Variants in ZNF469 observed in about 807,000 individuals in gnomAD.
ZNF469 encodes the protein zinc finger protein 469.
In ZNF469, 1 loss-of-function variant was observed where a neutral mutation model predicts 1.0. The ratio of observed to expected loss-of-function variants is 1.00; its 90% CI spans 0.35 to 4.73. The LOEUF is 4.73. Among genes scored for constraint, ZNF469 ranks in the 30% most tolerant of loss-of-function variants. The pLI is 0.16. For synonymous variants in ZNF469, 2,703 were observed against 2,363.4 expected, an observed-to-expected ratio of 1.14 and a Z score of -4.17; for missense variants, 6,100 against 5,356.3, an observed-to-expected ratio of 1.14 and a Z score of -4.33.
the ZNF469 span, among the ~76,000 whole-genome samples, chr16:88,245,581 A>G: frequency 6.6e-6 from 1 of 152,226 alleles, no homozygotes; most frequent in Non-Finnish European, 1.5e-5. Context: ...GCTTTCCCAG[A>G]TGAGTCACCA....
chr16:88,349,655 A>T, the ZNF469 span, among the ~76,000 whole-genome samples: 1 of 145,654 alleles, frequency 6.9e-6, no homozygotes, highest in Non-Finnish European at 1.5e-5. Context: ...CACAGCAGGC[A>T]CAATACACAC....
chr16:88,140,214 A>G, the ZNF469 span, among the ~76,000 whole-genome samples: 1 of 152,276 alleles, frequency 6.6e-6, no homozygotes, highest in African/African-American at 2.4e-5. Flanking sequence ...CATAAAAAAA[A>G]ACTTTGGCTA....
chr16:88,262,148 A>G, the ZNF469 span, among the ~76,000 whole-genome samples: 1 of 152,196 alleles, frequency 6.6e-6, no homozygotes, highest in South Asian at 2.1e-4. The surrounding 1 kb of genome is among the most constrained non-coding windows in gnomAD (Gnocchi z 4.3). Context: ...GTCTCCACTC[A>G]GCATTAGTGA....
chr16:88,382,663 A>C (rs1017004759), upstream of ZNF469, among the ~76,000 whole-genome samples: 8 of 152,328 alleles, frequency 5.3e-5, no homozygotes, highest in Non-Finnish European at 1.0e-4. Flanking sequence ...GCTGGAGCGC[A>C]GGCCAGGGAT....
chr16:88,315,066 T>C, the ZNF469 span, among the ~76,000 whole-genome samples: 1 of 152,250 alleles, frequency 6.6e-6, no homozygotes, highest in South Asian at 2.1e-4. Context: ...GCTGAGGAAG[T>C]GTCCTCCTCG....
In ZNF469 at chr16:88,430,715, C is replaced by G. The variant is rs1386931574; in HGVS notation, c.3245C>G (p.Pro1082Arg). ...CGSLAAGRPR[P>R]GAEDRRLREY... ...TCCCTGGCGGCGGGGAGGCCCCGGC[C>G]CGGAGCTGAGGACCGCAGGCTCCGC... is the stretch of plus-strand genomic sequence containing the variant. The change falls in exon 3 of 3, where the codon CCC becomes CGC. Residue 1082 changes from proline (P) to arginine (R), a missense_variant. Transcript: ENST00000565624. 7 of 1,488,508 alleles carry G rather than the reference C, an allele frequency of 4.7e-6. No homozygotes were observed. Among genetic ancestry groups the G allele is most frequent in the Non-Finnish European group, 2.7e-6 (3 of 1,128,444 alleles). The allele number at this position is 1,488,508 out of a possible 1,614,324, so 92.2% of individuals were successfully genotyped here. A position where few individuals can be genotyped will look rare whatever the true frequency, so the allele number is the denominator to read the frequency against.
intron 1 of ZNF469, among the ~76,000 whole-genome samples, chr16:88,417,179 C>T (rs1905325042): frequency 6.6e-6 from 1 of 150,626 alleles, no homozygotes; most frequent in Non-Finnish European, 1.5e-5. Context: ...CAGAGCGTCG[C>T]TGCAAGGGAG....
the ZNF469 span, among the ~76,000 whole-genome samples, chr16:88,196,467 C>T: frequency 2.6e-5 from 4 of 152,270 alleles, no homozygotes; most frequent in South Asian, 8.3e-4. Flanking sequence ...AAGACATGTC[C>T]AACGTTCAGA....
chr16:88,436,143 C>T lies in ZNF469; in HGVS notation c.8673C>T (p.Thr2891=), dbSNP rs983401242. Residue 2891 remains threonine, a synonymous_variant, in exon 3 of 3, where the codon ACC becomes ACT. Transcript: ENST00000565624. The part of the protein sequence containing the change: ...RCEKPVLPLP[T]QPSFEEGGDP... ...AGAAGCCGGTGCTCCCGCTGCCAACCCAGCCCAGCTTTGAGGAGGGCGGTG... is the reference window on the plus strand; with the variant it reads ...AGAAGCCGGTGCTCCCGCTGCCAACTCAGCCCAGCTTTGAGGAGGGCGGTG... 6.5e-7 allele frequency: 1 copy of T among 1,548,144 alleles called. No individual in the cohort carries two copies. Among genetic ancestry groups the T allele is most frequent in the Non-Finnish European group, 8.7e-7 (1 of 1,146,984 alleles).
chr16:88,363,243 T>C, the ZNF469 span, among the ~76,000 whole-genome samples: 1 of 152,338 alleles, frequency 6.6e-6, no homozygotes, highest in Admixed American at 6.5e-5. Context: ...GTCACATTCT[T>C]CTGGGTTTTT....
chr16:88,324,264 G>A, the ZNF469 span, among the ~76,000 whole-genome samples: 1 of 152,274 alleles, frequency 6.6e-6, no homozygotes, highest in Non-Finnish European at 1.5e-5. Context: ...TACTTCTGCA[G>A]CATTCTGTTT....
the ZNF469 span, among the ~76,000 whole-genome samples, chr16:88,342,123 G>T: frequency 1.3e-5 from 2 of 152,198 alleles, no homozygotes; most frequent in African/African-American, 4.8e-5. Flanking sequence ...GCCGGGCAGG[G>T]GCTGAGGAGG....
the ZNF469 span, among the ~76,000 whole-genome samples, chr16:88,245,938 C>T: frequency 6.6e-6 from 1 of 152,282 alleles, no homozygotes; most frequent in African/African-American, 2.4e-5. Context: ...GGGACATCCT[C>T]CTGCCTGGCT....
At chr16:88,320,401 G>A in the ZNF469 span, among the ~76,000 whole-genome samples, 52 of 151,450 alleles carry the variant, frequency 3.4e-4, no homozygotes, top group Non-Finnish European at 1.0e-4. Context: ...CTTTTTTCTC[G>A]GAGACAGAAT....
the ZNF469 span, among the ~76,000 whole-genome samples, chr16:88,325,032 A>G: frequency 3.3e-5 from 5 of 152,052 alleles, no homozygotes; most frequent in African/African-American, 4.8e-5. Context: ...AGGAAAAGAG[A>G]GAGGGAGGAG....
chr16:88,228,509 C>G, the ZNF469 span, among the ~76,000 whole-genome samples: 4 of 152,228 alleles, frequency 2.6e-5, no homozygotes, highest in African/African-American at 9.7e-5. Context: ...TACTCTCAGA[C>G]AAGCTGATTA....
At chr16:88,103,338 C>T in the ZNF469 span, among the ~76,000 whole-genome samples, 1 of 152,246 alleles carries the variant, frequency 6.6e-6, no homozygotes, top group Non-Finnish European at 1.5e-5. Flanking sequence ...GGGCACTGGA[C>T]GCTTTGCTCT....
At chr16:88,231,288 A>G in the ZNF469 span, among the ~76,000 whole-genome samples, 1 of 152,144 alleles carries the variant, frequency 6.6e-6, no homozygotes, top group African/African-American at 2.4e-5. The surrounding 1 kb of genome is among the most constrained non-coding windows in gnomAD (Gnocchi z 4.5). Flanking sequence ...CAGTGCTGAA[A>G]AGGTTTGGGC....
At chr16:88,420,253 G>A (rs1402158985) in intron 1 of ZNF469, among the ~76,000 whole-genome samples, 1 of 152,218 alleles carries the variant, frequency 6.6e-6, no homozygotes, top group Non-Finnish European at 1.5e-5. Context: ...GGAAGGCACG[G>A]GCCAGCCCTG....
Sources: gnomAD v4.1 joint callset for allele counts (sites outside exome capture counted in the v4.1 genomes callset) on GRCh38, gnomAD v4.1.1 for gene constraint, Gnocchi (gnomAD v3.1) non-coding constraint, MANE v1.5 for transcripts, NCBI Gene and HGNC (gene_info 2026-07-23, HGNC 2026-07-21) for gene names.